Variants in ERMAP observed in about 807,000 individuals in gnomAD.
ERMAP encodes erythroblast membrane associated protein (Scianna blood group).
Under a neutral mutation model 49.5 loss-of-function variants are expected in ERMAP, and 34 were observed. The ratio of observed to expected loss-of-function variants is 0.69; its 90% CI spans 0.52 to 0.91. The LOEUF is 0.91. Ranked by LOEUF, ERMAP falls within the 40% of genes least tolerant of loss-of-function variation. ERMAP has a pLI of 0.00. For synonymous variants in ERMAP, 214 were observed against 232.2 expected (o/e 0.92, Z 0.71); for missense variants, 541 against 582.6 (o/e 0.93, Z 0.74).
chr1:42,831,618 CTG>C (rs1157805349), intron 4 of ERMAP, among the ~76,000 whole-genome samples: 160 of 111,086 alleles, frequency 1.4e-3, no homozygotes, highest in African/African-American at 5.4e-3. Flanking sequence ...GGGCCTTGCT[CTG>C]TTGCCCAGGC....
intron 4 of ERMAP, among the ~76,000 whole-genome samples, chr1:42,832,915 G>T (rs1654788961): frequency 6.6e-6 from 1 of 152,284 alleles, no homozygotes; most frequent in Non-Finnish European, 1.5e-5. Context: ...CCCTGCTGGT[G>T]TGCAGATAGG....
chr1:42,830,643 C>A, intron 3 of ERMAP, 110 bp downstream of exon 3: 1 of 1,440,858 alleles, frequency 6.9e-7, no homozygotes, highest in Non-Finnish European at 9.5e-7. Flanking sequence ...GTTCCCCCGG[C>A]CCTGGCAATC....
At chr1:42,832,475 C>T (rs186477343) in intron 4 of ERMAP, among the ~76,000 whole-genome samples, 60 of 152,196 alleles carry the variant, frequency 3.9e-4, no homozygotes, top group African/African-American at 1.1e-3. Flanking sequence ...TCAAGTGATT[C>T]TCCTGCCTCA....
intron 1 of ERMAP, among the ~76,000 whole-genome samples, chr1:42,818,901 T>C (rs763338391): frequency 2.0e-4 from 31 of 152,238 alleles, no homozygotes; most frequent in Non-Finnish European, 3.8e-4. Context: ...CAGAGTCTAT[T>C]TCAGAAATCT....
chr1:42,835,693 C>T (rs757267796), intron 5 of ERMAP, 39 bp from the exon 6 acceptor site: 23 of 1,610,470 alleles, frequency 1.4e-5, no homozygotes, highest in Non-Finnish European at 1.7e-5. Context: ...TAGAAAAAGC[C>T]CTTCCTAAGC....
At position 42,825,647 on chromosome 1, in the gene ERMAP, C is replaced by G; in HGVS notation, c.-97C>G. On this transcript the variant is annotated 5_prime_UTR_variant, in exon 2 of 12. Coordinates refer to ENST00000372517, the MANE Select transcript of ERMAP (RefSeq NM_001017922.2). ...GGCCTTCCTGATGCGCTTGCCTGCT[C>G]CCTGGTCTCTCTGCATGGGGAAGGA... 1.6e-6 allele frequency: 2 copies of G among 1,289,270 alleles called. No individual in the cohort carries two copies. Among genetic ancestry groups the G allele is most frequent in the Non-Finnish European group, 2.0e-6 (2 of 988,860 alleles). The allele number at this position is 1,289,270 out of a possible 1,614,324, so 79.9% of individuals were successfully genotyped here.
intron 8 of ERMAP, chr1:42,839,691 C>T (rs1655002955): frequency 2.7e-6 from 1 of 371,988 alleles, no homozygotes. Flanking sequence ...TACATGATCA[C>T]AAAGTCCAAT....
intron 8 of ERMAP, 45 bp from the exon 9 acceptor site, chr1:42,839,970 TTATGGGAGGGCCTCTACA>T: frequency 6.7e-7 from 1 of 1,502,270 alleles, no homozygotes. Flanking sequence ...GACTGTAGCA[TTATGGGAGGGCCTCTACA>T]TAGAGGCCCT....
intron 9 of ERMAP, 34 bp from the exon 10 acceptor site, chr1:42,840,118 T>C: frequency 1.9e-6 from 3 of 1,614,220 alleles, no homozygotes; most frequent in African/African-American, 1.3e-5. Context: ...ATATTTGCAG[T>C]GATAGCTCAT....
chr1:42,833,871 A>G (rs577957116), intron 4 of ERMAP, among the ~76,000 whole-genome samples: 10 of 152,178 alleles, frequency 6.6e-5, no homozygotes, highest in African/African-American at 2.4e-4. Flanking sequence ...CCTTTTAATG[A>G]TCCTTGAAAC....
intron 4 of ERMAP, 21 bp downstream of exon 4, chr1:42,831,136 C>T: frequency 6.2e-7 from 1 of 1,607,284 alleles, no homozygotes; most frequent in South Asian, 1.1e-5. Context: ...GTTTGAGGTG[C>T]CCAGGGTCAT....
chr1:42,826,783 G>A (rs183107889), intron 2 of ERMAP, among the ~76,000 whole-genome samples: 1 of 151,066 alleles, frequency 6.6e-6, no homozygotes, highest in African/African-American at 2.4e-5. Flanking sequence ...TTGAACCTGG[G>A]AGGCAGAGGT....
chr1:42,831,124 G>A lies in ERMAP; in HGVS notation c.433+9G>A. ...GATCCTGCAGGTTGCAGGTTAGAAT[G>A]GGTTTGAGGTGCCCAGGGTCATTTG... On this transcript the variant is annotated intron_variant, in intron 4 of 11. Coordinates refer to ENST00000372517, the MANE Select transcript of ERMAP (RefSeq NM_001017922.2). 1 of 1,612,254 alleles carries A rather than the reference G, an allele frequency of 6.2e-7. No individual in the cohort carries two copies. The highest frequency in any genetic ancestry group is 8.5e-7 in the Non-Finnish European group (1 of 1,178,716).
chr1:42,822,348 T>C (rs1206800243), intron 1 of ERMAP, among the ~76,000 whole-genome samples: 3 of 152,010 alleles, frequency 2.0e-5, no homozygotes, highest in Non-Finnish European at 4.4e-5. Context: ...CACGCCTGGG[T>C]AATTTTTGTA....
intron 1 of ERMAP, 77 bp downstream of exon 1, chr1:42,817,330 C>A: frequency 9.4e-7 from 1 of 1,066,878 alleles, no homozygotes; most frequent in Non-Finnish European, 1.2e-6. Context: ...GGGCCGCGCG[C>A]CGGGGGGAGG....
intron 2 of ERMAP, among the ~76,000 whole-genome samples, chr1:42,829,288 A>C (rs1654644133): frequency 6.6e-6 from 1 of 152,190 alleles, no homozygotes; most frequent in African/African-American, 2.4e-5. Flanking sequence ...TAAAATGAGA[A>C]TGTGTTCAAC....
chr1:42,830,472 C>T lies in ERMAP; in HGVS notation c.24C>T (p.Gly8=). 1 of 1,614,168 alleles carries T rather than the reference C, an allele frequency of 6.2e-7. No homozygotes were observed. The highest frequency in any genetic ancestry group is 8.5e-7 in the Non-Finnish European group (1 of 1,180,000). Residue 8 remains glycine (G), a synonymous_variant, in exon 3 of 12, where the codon GGC becomes GGT. Transcript: ENST00000372517. The part of the protein sequence containing the change: MEMASSA[G]SWLSGCLIPL... ...GGATGGAGATGGCGAGTTCTGCTGG[C>T]TCCTGGCTCTCTGGCTGCCTCATCC...
At position 42,833,969 on chromosome 1, in the gene ERMAP, G is replaced by A. The variant is rs578064784; in HGVS notation, c.434-1069G>A. On this transcript the variant is annotated intron_variant, in intron 4 of 11. Transcript: ENST00000372517. ...TAGCCAGGCATGGTGGCATGTGCCT[G>A]TAATCCCGGCTACTTAGGAGACTGA... Among the ~76,000 whole-genome samples, 8 of 152,340 alleles carry A rather than the reference G, an allele frequency of 5.3e-5. 1 individual carries two copies. The highest frequency in any genetic ancestry group is 1.9e-4 in the African/African-American group (8 of 41,574).
intron 5 of ERMAP, 92 bp downstream of exon 5, chr1:42,835,246 A>G: frequency 1.3e-6 from 1 of 755,162 alleles, no homozygotes; most frequent in Admixed American, 1.8e-5. Context: ...TAGACCTGAC[A>G]CTTCTCCATA....
Sources: allele counts gnomAD v4.1 joint callset (sites outside exome capture counted in the v4.1 genomes callset), GRCh38; gene constraint gnomAD v4.1.1; transcripts MANE v1.5; gene names NCBI Gene and HGNC (gene_info 2026-07-23, HGNC 2026-07-21).